The following TSHZ3 variants were observed in gnomAD, a reference collection of about 807,000 sequenced individuals.
The protein encoded by TSHZ3 is teashirt homolog 3.
A neutral mutation model predicts 64.5 loss-of-function variants in TSHZ3; 10 were observed. The ratio of observed to expected loss-of-function variants is 0.16; its 90% CI spans 0.10 to 0.26. The LOEUF (loss-of-function observed/expected upper bound fraction) is 0.26, where lower values mean the gene tolerates loss of function less well. TSHZ3 is among the 10% of genes least tolerant of loss of function. The probability of loss-of-function intolerance (pLI) is 1.00; values close to 1 mark genes in which losing one functional copy is unlikely to be tolerated. For synonymous variants in TSHZ3, 608 were observed against 593.1 expected (o/e 1.03, Z -0.36); for missense variants, 1,242 against 1,421.7 (o/e 0.87, Z 2.03).
At chr19:31,312,565 C>T (rs1916489132) in intron 1 of TSHZ3, among the ~76,000 whole-genome samples, 1 of 152,184 alleles carries the variant, frequency 6.6e-6, no homozygotes, top group South Asian at 2.1e-4. Flanking sequence ...CACTTTCCTA[C>T]AGAAACAGTT....
intron 5 of TSHZ3, among the ~76,000 whole-genome samples, chr19:31,196,351 C>G (rs1974993733): frequency 6.6e-6 from 1 of 151,792 alleles, no homozygotes; most frequent in Admixed American, 6.6e-5. Context: ...GGAAAATGAA[C>G]TTATATAAGT....
chr19:31,255,452 G>A (rs1388354822), intron 1 of TSHZ3, among the ~76,000 whole-genome samples: 1 of 152,102 alleles, frequency 6.6e-6, no homozygotes, highest in African/African-American at 2.4e-5. Flanking sequence ...ATTTGCGTCT[G>A]CCTCAAAATC....
chr19:31,166,324 C>T (rs1260232076), intron 5 of TSHZ3, among the ~76,000 whole-genome samples: 1 of 152,196 alleles, frequency 6.6e-6, no homozygotes, highest in Non-Finnish European at 1.5e-5. Context: ...CTTAAAGAGG[C>T]AGTTGTCTCA....
At chr19:31,289,225 C>T (rs1976519426) in intron 1 of TSHZ3, among the ~76,000 whole-genome samples, 1 of 152,158 alleles carries the variant, frequency 6.6e-6, no homozygotes, top group Non-Finnish European at 1.5e-5. Context: ...CTAGGCTCAC[C>T]CCTCCTCTTG....
chr19:31,301,445 G>A (rs1158682745), intron 1 of TSHZ3, among the ~76,000 whole-genome samples: 5 of 152,200 alleles, frequency 3.3e-5, no homozygotes, highest in Admixed American at 1.3e-4. Context: ...TGCTGGGGCT[G>A]TGCACTCAAA....
At chr19:31,325,554 G>A (rs1011873673) in intron 1 of TSHZ3, among the ~76,000 whole-genome samples, 4 of 152,140 alleles carry the variant, frequency 2.6e-5, no homozygotes, top group Non-Finnish European at 4.4e-5. Context: ...GAGACATCAC[G>A]CGCGCACTCC....
rs548121773 is a variant in TSHZ3, at chr19:31,263,404, C to T, written n.64-20529G>A. ...TGGAGATGTGACAGCAGCCCCTCTC[C>T]TCTTGGCATTCATAACCTCGCCACC... On this transcript the variant is annotated intron_variant and non_coding_transcript_variant, in intron 1 of 6. Coordinates refer to the TSHZ3 transcript ENST00000651361. Among the ~76,000 whole-genome samples, 9 of 152,108 alleles carry T rather than the reference C, an allele frequency of 5.9e-5. No homozygotes were observed. The East Asian group carries it at 1.2e-3, about 20-fold the overall frequency.
intron 1 of TSHZ3, among the ~76,000 whole-genome samples, chr19:31,324,307 T>C (rs1916869294): frequency 1.3e-5 from 2 of 152,266 alleles, no homozygotes; most frequent in Non-Finnish European, 2.9e-5. Context: ...CTATTCAGAA[T>C]GAAATCTTAA....
At chr19:31,234,575 T>A (rs1234903414) in intron 3 of TSHZ3, among the ~76,000 whole-genome samples, 2 of 152,222 alleles carry the variant, frequency 1.3e-5, no homozygotes, top group African/African-American at 4.8e-5. Flanking sequence ...TTGCTGCGTG[T>A]TTTTCATCAT....
chr19:31,264,025 G>A (rs745925752), intron 1 of TSHZ3, among the ~76,000 whole-genome samples: 4 of 152,122 alleles, frequency 2.6e-5, no homozygotes, highest in African/African-American at 7.2e-5. Context: ...TCTCCCACCC[G>A]ACCAAAGACC....
chr19:31,232,607 G>A (rs539919966), intron 3 of TSHZ3, among the ~76,000 whole-genome samples: 2 of 152,114 alleles, frequency 1.3e-5, no homozygotes, highest in African/African-American at 4.8e-5. Context: ...CAGGTCAATG[G>A]CATTTGAACA....
chr19:31,341,415 T>C (rs1448006264), intron 1 of TSHZ3, among the ~76,000 whole-genome samples: 4 of 151,852 alleles, frequency 2.6e-5, no homozygotes, highest in Non-Finnish European at 5.9e-5. Context: ...GTGTCTCAAA[T>C]ACCACACAGG....
intron 4 of TSHZ3, among the ~76,000 whole-genome samples, chr19:31,225,099 T>C (rs1975442918): frequency 6.6e-6 from 1 of 152,216 alleles, no homozygotes. Context: ...AGCAACCTCC[T>C]AAATCAGAAA....
chr19:31,234,940 T>G (rs1975586231), intron 3 of TSHZ3, among the ~76,000 whole-genome samples: 1 of 152,244 alleles, frequency 6.6e-6, no homozygotes, highest in Non-Finnish European at 1.5e-5. Context: ...ATGTTATTTC[T>G]TTTGTAAATC....
In TSHZ3 at chr19:31,279,151, G is replaced by A. The variant is rs1365292640; in HGVS notation, c.642C>T (p.Phe214=). The part of the protein sequence containing the change: ...YGSIFTGASK[F]RCKDCSAAYD... ...AGGCAGCGCTGCAGTCCTTACAGCG[G>A]AACTTGCTGGCCCCCGTGAAGATGG... Residue 214 remains phenylalanine (F), a synonymous_variant, in exon 2 of 2, where the codon TTC becomes TTT. Coordinates refer to ENST00000240587, the MANE Select transcript of TSHZ3 (RefSeq NM_020856.4). The surrounding 1 kb of genome is among the most constrained non-coding windows in gnomAD (Gnocchi z 6.4). 1 of 1,613,120 alleles carries A rather than the reference G, an allele frequency of 6.2e-7. No homozygotes were observed. The highest frequency in any genetic ancestry group is 2.2e-5 in the East Asian group (1 of 44,840).
chr19:31,180,744 G>A (rs1194345028), intron 5 of TSHZ3, among the ~76,000 whole-genome samples: 2 of 152,192 alleles, frequency 1.3e-5, no homozygotes, highest in Non-Finnish European at 2.9e-5. Flanking sequence ...GTGAGAGCTG[G>A]ACGCTTTGAC....
At chr19:31,161,432 A>G (rs964994835) in intron 5 of TSHZ3, among the ~76,000 whole-genome samples, 1 of 152,234 alleles carries the variant, frequency 6.6e-6, no homozygotes, top group East Asian at 1.9e-4. Flanking sequence ...ATAATTTGGA[A>G]TGCCCTAATT....
intron 1 of TSHZ3, among the ~76,000 whole-genome samples, chr19:31,321,292 A>G (rs935375088): frequency 2.0e-5 from 3 of 152,208 alleles, no homozygotes; most frequent in Non-Finnish European, 4.4e-5. Context: ...TAAGGCTGAC[A>G]TGGGAGACAG....
chr19:31,324,824 A>ATT (rs71173959), intron 1 of TSHZ3, among the ~76,000 whole-genome samples: 37 of 151,130 alleles, frequency 2.4e-4, no homozygotes, highest in Non-Finnish European at 3.5e-4. Flanking sequence ...AAGCACAGTG[A>ATT]TTTTTTTTTT....
Sources: allele counts gnomAD v4.1 joint callset (sites outside exome capture counted in the v4.1 genomes callset), GRCh38; gene constraint gnomAD v4.1.1; non-coding constraint Gnocchi (gnomAD v3.1); transcripts MANE v1.5; gene names NCBI Gene and HGNC (gene_info 2026-07-23, HGNC 2026-07-21).